Variants in CDH13 observed in about 807,000 individuals in gnomAD.
CDH13 encodes the protein cadherin 13.
CDH13 carries 24 observed loss-of-function variants against 63.8 expected under a neutral mutation model. That is an observed-to-expected ratio of 0.38 (90% CI 0.27 to 0.53). The LOEUF is 0.53. CDH13 is among the 20% of genes least tolerant of loss of function. The probability of loss-of-function intolerance (pLI) is 0.85; values close to 1 mark genes in which losing one functional copy is unlikely to be tolerated. For missense variants in CDH13, 1,049 were observed against 903.1 expected (o/e 1.16, Z -2.07); for synonymous variants, 503 against 355.3 (o/e 1.42, Z -4.67).
intron 1 of CDH13, among the ~76,000 whole-genome samples, chr16:82,708,377 T>G (rs1169159412): frequency 6.6e-6 from 1 of 152,154 alleles, no homozygotes; most frequent in Non-Finnish European, 1.5e-5. Context: ...CAAGAAACAC[T>G]GAACAACCAG....
intron 5 of CDH13, among the ~76,000 whole-genome samples, chr16:83,260,156 C>G (rs796847714): frequency 5.1e-5 from 7 of 137,782 alleles, no homozygotes; most frequent in African/African-American, 1.8e-4. Flanking sequence ...TCTCTCAAAA[C>G]AAAGTTTACA....
chr16:83,171,161 A>C (rs1005029418), intron 4 of CDH13, among the ~76,000 whole-genome samples: 1 of 152,128 alleles, frequency 6.6e-6, no homozygotes, highest in Non-Finnish European at 1.5e-5. Context: ...GGAAACTTAT[A>C]GTCATGGTGG....
rs1235298802 is a variant in CDH13 at position 83,680,284 on chromosome 16, G to T, written c.1538+1823G>T. Reference sequence around the variant, plus strand: ...GCAGCTCTGCCTTGCTGGAGCTGGGGTCATGCACCTCCCTGCTCCAGGCAC... The same window carrying T: ...GCAGCTCTGCCTTGCTGGAGCTGGGTTCATGCACCTCCCTGCTCCAGGCAC... On this transcript the variant is annotated intron_variant, in intron 10 of 13. Coordinates refer to ENST00000567109, the MANE Select transcript of CDH13 (RefSeq NM_001257.5). Among the ~76,000 whole-genome samples the T allele has an allele frequency of 5.3e-5, 8 of 152,172 alleles. No homozygotes were observed. In the East Asian group the frequency reaches 1.5e-3, roughly 29 times the overall value.
At chr16:83,347,216 G>A (rs1443816444) in intron 6 of CDH13, among the ~76,000 whole-genome samples, 2 of 152,126 alleles carry the variant, frequency 1.3e-5, no homozygotes, top group Non-Finnish European at 2.9e-5. Flanking sequence ...TCGTTTACAA[G>A]TAATAACAAA....
rs1908463095 is a variant in CDH13, at chr16:82,969,980, CA to C, written c.158-62029del. ...TACTTTAAGTTCTGGGGTACGTGTG[CA>C]GAACTTGTAGGTTTCTTACGTAGGT... On this transcript the variant is annotated intron_variant, in intron 2 of 13. Transcript: ENST00000567109. Among the ~76,000 whole-genome samples the C allele has an allele frequency of 2.0e-5, 3 of 151,616 alleles. 1 individual carries two copies.
chr16:83,565,853 T>C (rs975330918), intron 7 of CDH13, among the ~76,000 whole-genome samples: 4 of 152,242 alleles, frequency 2.6e-5, no homozygotes, highest in Non-Finnish European at 5.9e-5. Context: ...AACTTATTCT[T>C]TTGTGATAAC....
chr16:82,727,091 G>A (rs1346011375), intron 1 of CDH13, among the ~76,000 whole-genome samples: 1 of 152,160 alleles, frequency 6.6e-6, no homozygotes, highest in Non-Finnish European at 1.5e-5. Context: ...GGATGAGGGC[G>A]GCGGCGGTGG....
chr16:82,653,807 C>T (rs145132957), intron 1 of CDH13, among the ~76,000 whole-genome samples: 1,526 of 152,116 alleles, frequency 0.01, 82 homozygotes, highest in Admixed American at 0.084. Context: ...GTGCCTGCAC[C>T]GGGGCGCAGG....
At chr16:83,081,867 C>T (rs546161640) in intron 3 of CDH13, among the ~76,000 whole-genome samples, 1 of 149,764 alleles carries the variant, frequency 6.7e-6, no homozygotes, top group African/African-American at 2.5e-5. Flanking sequence ...GTGGTGTGAT[C>T]TCGGCTCACC....
At chr16:83,207,008 A>G (rs4575520) in intron 4 of CDH13, among the ~76,000 whole-genome samples, 12,553 of 152,304 alleles carry the variant, frequency 0.082, 1,372 homozygotes, top group African/African-American at 0.25. Context: ...AAGCAACATA[A>G]AAGCAAGGAC....
intron 7 of CDH13, among the ~76,000 whole-genome samples, chr16:83,494,127 C>A (rs891759471): frequency 5.3e-5 from 8 of 152,130 alleles, no homozygotes; most frequent in East Asian, 1.9e-4. Context: ...ATGTTTAATT[C>A]TCTAAGATAT....
At chr16:83,156,100 A>G (rs1173455055) in intron 4 of CDH13, among the ~76,000 whole-genome samples, 2 of 152,196 alleles carry the variant, frequency 1.3e-5, no homozygotes, top group Non-Finnish European at 1.5e-5. Context: ...ATTCCAGGCT[A>G]GGGGAACCCC....
chr16:82,804,786 A>G (rs2037061419), intron 1 of CDH13, among the ~76,000 whole-genome samples: 1 of 152,174 alleles, frequency 6.6e-6, no homozygotes, highest in African/African-American at 2.4e-5. Flanking sequence ...TTCATGACCC[A>G]TTTGCATAGT....
intron 2 of CDH13, among the ~76,000 whole-genome samples, chr16:82,959,572 A>G (rs1906642221): frequency 6.6e-6 from 1 of 152,180 alleles, no homozygotes; most frequent in Non-Finnish European, 1.5e-5. Context: ...CTGAGTAGTT[A>G]CATCTCCTTT....
chr16:83,540,597 T>G (rs780454937), intron 7 of CDH13, among the ~76,000 whole-genome samples: 1 of 152,220 alleles, frequency 6.6e-6, no homozygotes, highest in Non-Finnish European at 1.5e-5. Context: ...ATTTCTACGT[T>G]TGTCCCTTTG....
At chr16:82,871,554 A>G (rs1273469943) in intron 2 of CDH13, among the ~76,000 whole-genome samples, 2 of 152,170 alleles carry the variant, frequency 1.3e-5, no homozygotes, top group Admixed American at 6.5e-5. Flanking sequence ...CCCAGCTCTA[A>G]CTTTGACTTG....
intron 4 of CDH13, among the ~76,000 whole-genome samples, chr16:83,181,674 A>G (rs556476676): frequency 1.3e-5 from 2 of 152,312 alleles, no homozygotes; most frequent in Admixed American, 1.3e-4. Flanking sequence ...ACTTGGAGCC[A>G]GGAAGGCTTG....
intron 4 of CDH13, among the ~76,000 whole-genome samples, chr16:83,201,473 T>C (rs770517695): frequency 1.1e-4 from 17 of 151,676 alleles, no homozygotes; most frequent in African/African-American, 1.7e-4. Context: ...GTAGCAACAA[T>C]GTAATGAGCC....
chr16:82,646,321 C>A (rs1441142274), intron 1 of CDH13: 1 of 152,238 alleles, frequency 6.6e-6, no homozygotes, highest in Admixed American at 6.5e-5. Context: ...TCCCAAGTAG[C>A]CAGGATTGCA....
Sources: gnomAD v4.1 joint callset for allele counts (sites outside exome capture counted in the v4.1 genomes callset) on GRCh38, gnomAD v4.1.1 for gene constraint, MANE v1.5 for transcripts, NCBI Gene and HGNC (gene_info 2026-07-23, HGNC 2026-07-21) for gene names.